ACSM3: variants seen among roughly 807,000 people sequenced by gnomAD.
ACSM3 encodes acyl-CoA synthetase medium chain family member 3, also known as acyl-coenzyme A synthetase ACSM3, mitochondrial.
ACSM3 carries 61 observed loss-of-function variants against 74.1 expected under a neutral mutation model. The observed-to-expected ratio is 0.82, with a 90% CI of 0.67 to 1.02. The LOEUF (loss-of-function observed/expected upper bound fraction) is 1.02, where lower values mean the gene tolerates loss of function less well. Among genes scored for constraint, ACSM3 ranks in the 50% least tolerant of loss-of-function variants. The pLI is 0.00. For synonymous variants in ACSM3, 213 were observed against 241.5 expected (o/e 0.88, Z 1.09); for missense variants, 660 against 697.0 (o/e 0.95, Z 0.60).
Position 20,754,903 on chromosome 16 carries a change from G to A in ACSM3, c.-95-670G>A, listed in dbSNP as rs1360699672. Among the ~76,000 whole-genome samples the A allele has an allele frequency of 3.9e-5, 6 of 152,188 alleles. No homozygotes were observed. The East Asian group carries it at 1.2e-3, about 29-fold the overall frequency. On this transcript the variant is annotated intron_variant, in intron 2 of 3. Coordinates refer to the ACSM3 transcript ENST00000561584. ...AGAATCCAAGCTGGGCAGAAGATAAGTGAAGGCATGAAGGAGGTGTGCTTA... is the reference window on the plus strand; with the variant it reads ...AGAATCCAAGCTGGGCAGAAGATAAATGAAGGCATGAAGGAGGTGTGCTTA...
intron 4 of ACSM3, among the ~76,000 whole-genome samples, chr16:20,778,015 G>A (rs1218937421): frequency 1.3e-5 from 2 of 152,164 alleles, no homozygotes; most frequent in African/African-American, 4.8e-5. Context: ...ATTGGATGGG[G>A]TTGTCCCTAG....
At chr16:20,755,076 A>G (rs1157473286) in intron 2 of ACSM3, among the ~76,000 whole-genome samples, 1 of 152,196 alleles carries the variant, frequency 6.6e-6, no homozygotes, top group Non-Finnish European at 1.5e-5. Flanking sequence ...CAACAATAAG[A>G]AGAAGCTCCT....
chr16:20,715,961 G>A (rs1367804045), intron 1 of ACSM3, among the ~76,000 whole-genome samples: 1 of 152,186 alleles, frequency 6.6e-6, no homozygotes, highest in Non-Finnish European at 1.5e-5. Context: ...CAGGCTGGCT[G>A]CCAGCTGAAG....
At chr16:20,738,310 C>CAAA in intron 1 of ACSM3, 220 of 218,996 alleles carry the variant, frequency 1.0e-3, no homozygotes, top group East Asian at 1.8e-3. Context: ...CACTTTTTTA[C>CAAA]AAAAAAAAAA....
chr16:20,785,243 T>C, intron 8 of ACSM3, 136 bp downstream of exon 8: 1 of 1,251,350 alleles, frequency 8.0e-7, no homozygotes. Flanking sequence ...AAAACAATGC[T>C]TGCAAGAACC....
At chr16:20,771,937 G>A (rs2080198652) in intron 2 of ACSM3, among the ~76,000 whole-genome samples, 1 of 152,012 alleles carries the variant, frequency 6.6e-6, no homozygotes, top group African/African-American at 2.4e-5. Context: ...TTCTAACTGG[G>A]GTAAGATCAT....
chr16:20,782,535 T>C (rs984532335), intron 7 of ACSM3, among the ~76,000 whole-genome samples: 2 of 152,218 alleles, frequency 1.3e-5, no homozygotes, highest in African/African-American at 4.8e-5. Flanking sequence ...TAAGGGATCT[T>C]TTCCCCCACA....
At chr16:20,727,412 G>C in intron 1 of ACSM3, 8 of 551,628 alleles carry the variant, frequency 1.5e-5, no homozygotes, top group Non-Finnish European at 2.8e-5. Context: ...TGCTGGAGCA[G>C]TGGAGGGCAC....
rs183316507 is a variant in ACSM3, at chr16:20,774,463, G to A, written c.220-1376G>A. Among the ~76,000 whole-genome samples, 699 of 152,220 alleles carry A rather than the reference G, an allele frequency of 4.6e-3. 6 individuals carry two copies. The highest frequency in any genetic ancestry group is 0.016 in the African/African-American group (671 of 41,522). ...TCCCCATGTTGGCCAGGATGGTCTC[G>A]ATTTCTTGACTTCGTGATCCGCCCG... On this transcript the variant is annotated intron_variant, in intron 2 of 13. Transcript: ENST00000289416.
intron 1 of ACSM3, among the ~76,000 whole-genome samples, chr16:20,706,297 A>T (rs2152367202): frequency 6.6e-6 from 1 of 152,340 alleles, no homozygotes; most frequent in African/African-American, 2.4e-5. Context: ...AATCAAAAAG[A>T]AGATAAAATT....
chr16:20,775,599 C>T (rs1045330510), intron 2 of ACSM3, among the ~76,000 whole-genome samples: 15 of 152,168 alleles, frequency 9.9e-5, no homozygotes, highest in Admixed American at 2.0e-4. Context: ...CTCCCTTTGA[C>T]ACTCTATTTG....
At chr16:20,735,383 T>C (rs893286389) in intron 1 of ACSM3, 21 of 152,020 alleles carry the variant, frequency 1.4e-4, no homozygotes, top group African/African-American at 5.1e-4. Flanking sequence ...GGTGTTTTTT[T>C]TTTTTTTTAA....
At chr16:20,750,808 A>G (rs1369071532) in intron 2 of ACSM3, among the ~76,000 whole-genome samples, 1 of 150,818 alleles carries the variant, frequency 6.6e-6, no homozygotes, top group Non-Finnish European at 1.5e-5. Flanking sequence ...AAGAGGCCTC[A>G]TAATGTAGTA....
intron 9 of ACSM3, chr16:20,789,599 T>C: frequency 7.1e-7 from 1 of 1,401,986 alleles, no homozygotes; most frequent in Non-Finnish European, 1.0e-6. Context: ...TATTTATTTA[T>C]CAAGAGGAAA....
Position 20,792,008 on chromosome 16 carries a change from C to T in ACSM3, c.1333C>T (p.Pro445Ser), listed in dbSNP as rs1255703693. ...AATGCTATTTGTTTTGCAGGATAAT[C>T]CTTCAAAAACAGCTTCAACTCTACG... is the stretch of plus-strand genomic sequence containing the variant. Reference protein sequence around the residue: ...FGLFTHYVDNPSKTASTLRGN... With the variant: ...FGLFTHYVDNSSKTASTLRGN... Residue 445 changes from proline to serine, a missense_variant, in exon 11 of 14, where the codon CCT becomes TCT. Transcript: ENST00000289416. The T allele has an allele frequency of 1.2e-6, 2 of 1,613,880 alleles. No homozygotes were observed. Among genetic ancestry groups the T allele is most frequent in the East Asian group, 4.5e-5 (2 of 44,884 alleles).
chr16:20,775,564 C>A (rs916013481), intron 2 of ACSM3, among the ~76,000 whole-genome samples: 7 of 152,112 alleles, frequency 4.6e-5, no homozygotes, highest in South Asian at 4.1e-4. Flanking sequence ...AGAGTTTTGT[C>A]ACTTCCTTGC....
chr16:20,710,650 T>A (rs1454133558), intron 1 of ACSM3, among the ~76,000 whole-genome samples: 1 of 152,140 alleles, frequency 6.6e-6, no homozygotes, highest in Non-Finnish European at 1.5e-5. Context: ...CAGCCGATAA[T>A]TTTTTAAGTT....
At chr16:20,701,867 T>C (rs533191908) in intron 1 of ACSM3, among the ~76,000 whole-genome samples, 325 of 152,356 alleles carry the variant, frequency 2.1e-3, no homozygotes, top group African/African-American at 7.2e-3. Flanking sequence ...GCAAAGGACA[T>C]GAACTCATTC....
intron 1 of ACSM3, chr16:20,737,725 ACTT>A: frequency 1.9e-6 from 3 of 1,607,720 alleles, no homozygotes; most frequent in Non-Finnish European, 2.5e-6. Context: ...TTCTCTGATA[ACTT>A]CTTCTCTATT....
Sources: gnomAD v4.1 joint callset for allele counts (sites outside exome capture counted in the v4.1 genomes callset) on GRCh38, gnomAD v4.1.1 for gene constraint, MANE v1.5 for transcripts, NCBI Gene and HGNC (gene_info 2026-07-23, HGNC 2026-07-21) for gene names.